Variants in BCL11A observed in about 807,000 individuals in gnomAD.
BCL11A encodes the protein B cell CLL/lymphoma 11A.
BCL11A carries 2 observed loss-of-function variants against 55.9 expected under a neutral mutation model. The ratio of observed to expected loss-of-function variants is 0.04; its 90% confidence interval spans 0.01 to 0.11. The LOEUF (loss-of-function observed/expected upper bound fraction) is 0.11, where lower values mean the gene tolerates loss of function less well. BCL11A is among the 10% of genes least tolerant of loss of function. BCL11A has a pLI of 1.00. For missense variants in BCL11A, 817 were observed against 1,137.1 expected (o/e 0.72, Z 4.05); for synonymous variants, 465 against 473.4 (o/e 0.98, Z 0.23).
chr2:60,499,281 G>A (rs1679138926), intron 2 of BCL11A, among the ~76,000 whole-genome samples: 1 of 152,136 alleles, frequency 6.6e-6, no homozygotes, highest in African/African-American at 2.4e-5. Flanking sequence ...AGCTGCAGGG[G>A]TGTGACGCCC....
chr2:60,542,146 A>G (rs927111248), intron 2 of BCL11A: 3 of 371,630 alleles, frequency 8.1e-6, no homozygotes, highest in African/African-American at 6.3e-5. Context: ...ATAAATGTCT[A>G]TGTTCATGAT....
At chr2:60,480,131 C>T (rs955936470) in intron 2 of BCL11A, among the ~76,000 whole-genome samples, 2 of 151,700 alleles carry the variant, frequency 1.3e-5, no homozygotes, top group African/African-American at 4.8e-5. Context: ...CCAAGGACAG[C>T]GAGGAGGGGG....
At chr2:60,530,238 T>C (rs529364424) in intron 2 of BCL11A, among the ~76,000 whole-genome samples, 8 of 151,856 alleles carry the variant, frequency 5.3e-5, no homozygotes, top group Non-Finnish European at 7.4e-5. Context: ...CTGGCCTTTC[T>C]TGAGCCTTCC....
At chr2:60,523,563 A>G (rs952264731) in intron 2 of BCL11A, among the ~76,000 whole-genome samples, 2 of 151,478 alleles carry the variant, frequency 1.3e-5, no homozygotes, top group Non-Finnish European at 3.0e-5. Flanking sequence ...ACGTATGTAT[A>G]TATGTAGTAT....
At chr2:60,468,913 C>A in intron 2 of BCL11A, 80 bp from the exon 3 acceptor site, 1 of 856,532 alleles carries the variant, frequency 1.2e-6, no homozygotes, top group Non-Finnish European at 1.9e-6. Flanking sequence ...ATTTCAATTC[C>A]ATTAAAATAG....
At chr2:60,542,000 T>C in intron 2 of BCL11A, 1 of 668,906 alleles carries the variant, frequency 1.5e-6, no homozygotes, top group South Asian at 1.7e-5. Context: ...ATATTGTATT[T>C]GATTTACTTT....
chr2:60,461,446 T>C lies in BCL11A; in HGVS notation c.1466A>G (p.Glu489Gly). 1 of 1,603,932 alleles carries C rather than the reference T, an allele frequency of 6.2e-7. No individual in the cohort carries two copies. Among genetic ancestry groups the C allele is most frequent in the Non-Finnish European group, 8.5e-7 (1 of 1,179,124 alleles). The change falls in exon 4 of 4, where the codon GAG becomes GGG. Residue 489 changes from glutamate to glycine, a missense_variant. By Grantham distance (98) the Glu-to-Gly change is moderately conservative. Coordinates refer to ENST00000642384, the MANE Select transcript of BCL11A (RefSeq NM_022893.4). ...IPENGDEEEE[E>G]DDEEEEEEEE... Reference sequence around the variant, plus strand: ...CTCTTCTTCCTCTTCCTCGTCGTCCTCCTCTTCCTCCTCGTCCCCGTTCTC... The same window carrying C: ...CTCTTCTTCCTCTTCCTCGTCGTCCCCCTCTTCCTCCTCGTCCCCGTTCTC...
At chr2:60,549,021 C>T (rs1331866566) in intron 1 of BCL11A, among the ~76,000 whole-genome samples, 3 of 152,200 alleles carry the variant, frequency 2.0e-5, no homozygotes, top group East Asian at 1.9e-4. Flanking sequence ...CCCAACAATA[C>T]CAACATTTCT....
At chr2:60,498,048 C>A (rs1218791266) in intron 2 of BCL11A, among the ~76,000 whole-genome samples, 1 of 151,994 alleles carries the variant, frequency 6.6e-6, no homozygotes, top group Non-Finnish European at 1.5e-5. Context: ...CTGGCAGACC[C>A]TCAAGAGCAG....
At chr2:60,481,687 C>T (rs1572986838) in intron 2 of BCL11A, among the ~76,000 whole-genome samples, 1 of 152,090 alleles carries the variant, frequency 6.6e-6, no homozygotes, top group Non-Finnish European at 1.5e-5. Flanking sequence ...CTTTCTTTTC[C>T]CCACATGCTC....
chr2:60,531,120 C>A lies in BCL11A; in HGVS notation c.385+14851G>T, dbSNP rs1363580865. Among the ~76,000 whole-genome samples the A allele has an allele frequency of 7.9e-5, 12 of 151,894 alleles. No homozygotes were observed. In the South Asian group the frequency reaches 8.3e-4, roughly 11 times the overall value. Reference sequence around the variant, plus strand: ...CCTTCTCCGGAGCAGATGGACTTGACCACTTTGCTTAAGCCCCTCCTGGCA... The same window carrying A: ...CCTTCTCCGGAGCAGATGGACTTGAACACTTTGCTTAAGCCCCTCCTGGCA... On this transcript the variant is annotated intron_variant, in intron 2 of 3. Coordinates refer to ENST00000642384, the MANE Select transcript of BCL11A (RefSeq NM_022893.4).
intron 2 of BCL11A, among the ~76,000 whole-genome samples, chr2:60,531,620 C>A (rs932425802): frequency 7.9e-5 from 12 of 152,304 alleles, no homozygotes; most frequent in African/African-American, 2.4e-4. Flanking sequence ...TTGCTCCATA[C>A]ACTTTGGCAG....
chr2:60,545,707 T>A (rs1670117706), intron 2 of BCL11A: 1 of 421,268 alleles, frequency 2.4e-6, no homozygotes, highest in Non-Finnish European at 4.3e-6. Context: ...AGAAAAGAAA[T>A]CCAAAATCGA....
intron 3 of BCL11A, among the ~76,000 whole-genome samples, chr2:60,467,131 GGTGGT>G (rs1558618212): frequency 1.7e-4 from 24 of 142,030 alleles, no homozygotes; most frequent in African/African-American, 6.5e-4. Context: ...TGGTGGTGAT[GGTGGT>G]GTTGGTGGTG....
intron 2 of BCL11A, among the ~76,000 whole-genome samples, chr2:60,538,960 AC>A (rs1389809110): frequency 4.6e-5 from 7 of 152,320 alleles, no homozygotes; most frequent in South Asian, 4.1e-4. Context: ...CCATACCAGC[AC>A]ATGCAAAAAA....
At chr2:60,498,186 G>T (rs931166492) in intron 2 of BCL11A, among the ~76,000 whole-genome samples, 2 of 151,866 alleles carry the variant, frequency 1.3e-5, no homozygotes, top group Non-Finnish European at 2.9e-5. Context: ...ATGTAGACGG[G>T]TGTGTGGCTC....
chr2:60,477,600 T>TGAAAGAAAGAAAGAAAGAAAG (rs1553407506), intron 2 of BCL11A, among the ~76,000 whole-genome samples: 2 of 150,548 alleles, frequency 1.3e-5, no homozygotes, highest in Admixed American at 6.6e-5. Context: ...TAGAGTAAAA[T>TGAAAGAAAGAAAGAAAGAAAG]AAATAAAGAA....
intron 2 of BCL11A, among the ~76,000 whole-genome samples, chr2:60,506,130 C>A (rs142562235): frequency 7.9e-5 from 12 of 152,324 alleles, no homozygotes; most frequent in African/African-American, 2.9e-4. Flanking sequence ...TCCTTTGACA[C>A]CCACCATAGA....
At chr2:60,452,525 G>T, downstream of BCL11A, 1 of 1,450,328 alleles carries the variant, frequency 6.9e-7, no homozygotes, top group Non-Finnish European at 9.7e-7. Context: ...CCACGCTGAC[G>T]TCGACTGGGC....
Sources: allele counts gnomAD v4.1 joint callset (sites outside exome capture counted in the v4.1 genomes callset), GRCh38; gene constraint gnomAD v4.1.1; transcripts MANE v1.5; gene names NCBI Gene and HGNC (gene_info 2026-07-23, HGNC 2026-07-21).